PPP2R3A: variants seen among roughly 807,000 people sequenced by gnomAD.
The protein encoded by PPP2R3A is protein phosphatase 2 regulatory subunit B''alpha, also known as serine/threonine-protein phosphatase 2A regulatory subunit B'' subunit alpha.
PPP2R3A carries 80 observed loss-of-function variants against 106.9 expected under a neutral mutation model. The observed-to-expected ratio is 0.75, with a 90% CI of 0.62 to 0.90. PPP2R3A has a LOEUF of 0.90. Ranked by LOEUF, PPP2R3A falls within the 40% of genes least tolerant of loss-of-function variation. The probability of loss-of-function intolerance (pLI) is 0.00; values close to 1 mark genes in which losing one functional copy is unlikely to be tolerated. For missense variants in PPP2R3A, 1,386 were observed against 1,350.4 expected (o/e 1.03, Z -0.41); for synonymous variants, 483 against 468.3 (o/e 1.03, Z -0.41).
intron 1 of PPP2R3A, among the ~76,000 whole-genome samples, chr3:135,977,788 T>C (rs1937459700): frequency 1.4e-5 from 2 of 146,402 alleles, no homozygotes; most frequent in African/African-American, 5.0e-5. Context: ...CGACCTCCGC[T>C]TCCCGGGCTC....
In PPP2R3A at chr3:136,146,448, C is replaced by T. The variant is rs969440075; in HGVS notation, c.*1282C>T. 6.6e-6 allele frequency: 1 copy of T among 152,154 alleles called. No homozygotes were observed. Among genetic ancestry groups the T allele is most frequent in the African/African-American group, 2.4e-5 (1 of 41,432 alleles). The allele number at this position is 152,154 out of a possible 1,614,324, so 9.4% of individuals were successfully genotyped here. On this transcript the variant is annotated 3_prime_UTR_variant, in exon 14 of 14. Transcript: ENST00000264977. ...CTTTCCACCCTACCTAGGTTCCCTC[C>T]TTGCTGGCATAAAGGCCAAGCAGTG...
chr3:136,003,950 A>G (rs999627958), intron 2 of PPP2R3A, among the ~76,000 whole-genome samples: 2 of 152,148 alleles, frequency 1.3e-5, no homozygotes, highest in African/African-American at 4.8e-5. Context: ...AGGTTAGTGT[A>G]GAGTACAAAA....
At chr3:136,128,130 A>G (rs568695146) in intron 13 of PPP2R3A, among the ~76,000 whole-genome samples, 75 of 152,338 alleles carry the variant, frequency 4.9e-4, no homozygotes, top group Non-Finnish European at 3.2e-4. Context: ...ACCAGTGAAC[A>G]TCATAATGAC....
rs372687130 is a variant in PPP2R3A, at chr3:136,002,631, A to G, written c.1133A>G (p.Tyr378Cys). The change falls in exon 2 of 14, where the codon TAT becomes TGT. Residue 378 changes from tyrosine to cysteine, a missense_variant. Coordinates refer to ENST00000264977, the MANE Select transcript of PPP2R3A (RefSeq NM_002718.5). Reference sequence around the variant, plus strand: ...CCAAACAACTCCACAAATTCCTTATATAACTTAGAGGTAAATGATCCTAGA... The same window carrying G: ...CCAAACAACTCCACAAATTCCTTATGTAACTTAGAGGTAAATGATCCTAGA... ...SIPNNSTNSLYNLEVNDPRTL... is the reference protein window; with the variant it reads ...SIPNNSTNSLCNLEVNDPRTL... 29 of 1,613,934 alleles carry G rather than the reference A, an allele frequency of 1.8e-5. No individual in the cohort carries two copies. Among genetic ancestry groups the G allele is most frequent in the Non-Finnish European group, 2.3e-5 (27 of 1,179,818 alleles).
At chr3:136,141,182 G>T (rs1187481452) in intron 13 of PPP2R3A, among the ~76,000 whole-genome samples, 1 of 152,184 alleles carries the variant, frequency 6.6e-6, no homozygotes, top group Non-Finnish European at 1.5e-5. Flanking sequence ...ACCAGTAATG[G>T]ACAAGGAGTT....
At chr3:136,096,967 T>TCACA (rs138912287) in intron 10 of PPP2R3A, among the ~76,000 whole-genome samples, 1,862 of 152,250 alleles carry the variant, frequency 0.012, 51 homozygotes, top group African/African-American at 0.042. Context: ...AGACTTTGTC[T>TCACA]CACACACACA....
At chr3:136,091,159 T>G (rs1034752029) in intron 10 of PPP2R3A, among the ~76,000 whole-genome samples, 4 of 152,212 alleles carry the variant, frequency 2.6e-5, no homozygotes, top group South Asian at 2.1e-4. Context: ...ATGTCTTGTT[T>G]AGGCAAAAAA....
chr3:136,056,545 C>T (rs895366661), intron 5 of PPP2R3A, among the ~76,000 whole-genome samples: 2 of 151,614 alleles, frequency 1.3e-5, no homozygotes, highest in Non-Finnish European at 2.9e-5. Context: ...CAATAAGAAC[C>T]GTAAAACAAA....
rs72369513 is a variant in PPP2R3A at position 136,122,657 on chromosome 3, TACAC to T, written c.3329+16339_3329+16342del. Among the ~76,000 whole-genome samples the T allele has an allele frequency of 1.7e-3, 264 of 152,320 alleles. 1 individual carries two copies. Among genetic ancestry groups the T allele is most frequent in the African/African-American group, 6.3e-3 (260 of 41,588 alleles). On this transcript the variant is annotated intron_variant, in intron 13 of 13. Transcript: ENST00000264977. ...AACAACAAAAAAATCTATTTATACATACACACAGAGAGCATACTATGTAACAAGC... is the reference window on the plus strand; with the variant it reads ...AACAACAAAAAAATCTATTTATACATACAGAGAGCATACTATGTAACAAGC...
In PPP2R3A at chr3:136,102,035, G is replaced by A. The variant is rs1576503845; in HGVS notation, c.2956G>A (p.Val986Met). ...SIEYWFRCMD[V>M]DGDGVLSMYE... ...TGAGTATTGGTTCCGCTGCATGGATGTGGATGGAGACGGTGTACTCTCCAT... is the reference window on the plus strand; with the variant it reads ...TGAGTATTGGTTCCGCTGCATGGATATGGATGGAGACGGTGTACTCTCCAT... Residue 986 changes from valine to methionine, a missense_variant, in exon 11 of 14, where the codon GTG becomes ATG. Val to Met is a conservative substitution (Grantham distance 21). Coordinates refer to ENST00000264977, the MANE Select transcript of PPP2R3A (RefSeq NM_002718.5). 6.2e-7 allele frequency: 1 copy of A among 1,613,962 alleles called. No homozygotes were observed. The highest frequency in any genetic ancestry group is 1.3e-5 in the African/African-American group (1 of 74,920).
chr3:136,006,882 C>T (rs1933863870), intron 2 of PPP2R3A, among the ~76,000 whole-genome samples: 1 of 152,120 alleles, frequency 6.6e-6, no homozygotes, highest in Admixed American at 6.5e-5. Flanking sequence ...ACTTTCCTTC[C>T]TAGAGAATAT....
intron 2 of PPP2R3A, among the ~76,000 whole-genome samples, chr3:136,006,751 G>T (rs996787784): frequency 1.1e-4 from 16 of 152,138 alleles, no homozygotes; most frequent in African/African-American, 3.9e-4. Flanking sequence ...AATACCTTTT[G>T]TCCCAGGGGA....
intron 13 of PPP2R3A, among the ~76,000 whole-genome samples, chr3:136,135,249 A>C (rs969499368): frequency 3.9e-5 from 6 of 152,114 alleles, no homozygotes; most frequent in Admixed American, 1.3e-4. Context: ...GTTGTGGGAG[A>C]TAAGATAAGG....
At chr3:136,015,282 T>G (rs1039313824) in intron 2 of PPP2R3A, among the ~76,000 whole-genome samples, 1 of 152,108 alleles carries the variant, frequency 6.6e-6, no homozygotes, top group African/African-American at 2.4e-5. Flanking sequence ...TGGTCTGTAG[T>G]TTTTTTATGT....
intron 8 of PPP2R3A, among the ~76,000 whole-genome samples, chr3:136,086,838 G>A (rs1436451221): frequency 6.6e-6 from 1 of 152,152 alleles, no homozygotes; most frequent in East Asian, 1.9e-4. Flanking sequence ...GATGCTGATA[G>A]CTGCTAAGTC....
At chr3:136,016,337 G>T (rs1934266929) in intron 2 of PPP2R3A, among the ~76,000 whole-genome samples, 1 of 152,060 alleles carries the variant, frequency 6.6e-6, no homozygotes, top group African/African-American at 2.4e-5. Context: ...TAGTCCATTT[G>T]TTCTAGGGTA....
At chr3:136,054,788 A>G (rs773809649) in intron 5 of PPP2R3A, among the ~76,000 whole-genome samples, 9 of 152,202 alleles carry the variant, frequency 5.9e-5, no homozygotes, top group African/African-American at 9.6e-5. Context: ...GTAAAGTAAC[A>G]TATTTTTGCC....
intron 13 of PPP2R3A, among the ~76,000 whole-genome samples, chr3:136,128,741 A>G (rs1171208220): frequency 3.9e-5 from 6 of 152,190 alleles, no homozygotes; most frequent in Non-Finnish European, 8.8e-5. Context: ...CATCACACTT[A>G]TTCCAAAATT....
At chr3:136,073,219 G>T (rs551006024) in intron 6 of PPP2R3A, among the ~76,000 whole-genome samples, 1 of 152,088 alleles carries the variant, frequency 6.6e-6, no homozygotes, top group Non-Finnish European at 1.5e-5. Flanking sequence ...CGCCTGCCAC[G>T]GCCTCCCAAA....
Sources: gnomAD v4.1 joint callset for allele counts (sites outside exome capture counted in the v4.1 genomes callset) on GRCh38, gnomAD v4.1.1 for gene constraint, MANE v1.5 for transcripts, NCBI Gene and HGNC (gene_info 2026-07-23, HGNC 2026-07-21) for gene names.